KALRN: variants seen among roughly 807,000 people sequenced by gnomAD.
KALRN encodes kalirin RhoGEF kinase, also known as kalirin.
A neutral mutation model predicts 353.7 loss-of-function variants in KALRN; 70 were observed. The observed-to-expected ratio is 0.20, with a 90% CI of 0.16 to 0.24. The LOEUF is 0.24. KALRN is among the 10% of genes least tolerant of loss of function. The pLI, the probability that KALRN is intolerant of heterozygous loss-of-function variation, is 1.00. For synonymous variants in KALRN, 1,391 were observed against 1,434.8 expected (o/e 0.97, Z 0.69); for missense variants, 2,791 against 3,756.7 (o/e 0.74, Z 6.72).
Position 124,611,230 on chromosome 3 carries a change from CG to C in KALRN, c.5183-21189del, listed in dbSNP as rs1561418949. 2.6e-4 allele frequency among the ~76,000 whole-genome samples: 40 copies of C among 152,166 alleles called. No homozygotes were observed. In the East Asian group the frequency reaches 7.5e-3, roughly 29 times the overall value. On this transcript the variant is annotated intron_variant, in intron 34 of 59. Coordinates refer to ENST00000682506, the MANE Select transcript of KALRN (RefSeq NM_001388419.1). ...GGCTCTGTGGGATCTGGGGAAGGAC[CG>C]CCTAGGTAGAGAGAGAAGTAACATC...
intron 1 of KALRN, among the ~76,000 whole-genome samples, chr3:124,148,601 A>G (rs2067676700): frequency 6.6e-6 from 1 of 152,174 alleles, no homozygotes; most frequent in Non-Finnish European, 1.5e-5. Context: ...CTAGAGTCTG[A>G]CTATAGGTGA....
intron 21 of KALRN, among the ~76,000 whole-genome samples, chr3:124,453,167 T>C (rs1284970773): frequency 3.3e-5 from 5 of 152,240 alleles, no homozygotes; most frequent in Non-Finnish European, 7.3e-5. Context: ...CTATTTTGAA[T>C]AGAATCTGCT....
intron 34 of KALRN, among the ~76,000 whole-genome samples, chr3:124,598,565 AG>A (rs1345472785): frequency 2.6e-5 from 4 of 152,122 alleles, no homozygotes. Context: ...TGCAGTGTAG[AG>A]GGGCATCATA....
chr3:124,098,511 C>G (rs1198663947), intron 1 of KALRN, among the ~76,000 whole-genome samples: 1 of 152,198 alleles, frequency 6.6e-6, no homozygotes, highest in African/African-American at 2.4e-5. Flanking sequence ...TATTGTCTGT[C>G]CCTTGTGTTC....
chr3:124,719,062 C>A lies in KALRN; in HGVS notation c.8553C>A (p.Val2851=). 6.2e-7 allele frequency: 1 copy of A among 1,614,230 alleles called. No homozygotes were observed. Among genetic ancestry groups the A allele is most frequent in the Non-Finnish European group, 8.5e-7 (1 of 1,180,048 alleles). The change falls in exon 60 of 60, where the codon GTC becomes GTA. Residue 2851 remains valine (V), a synonymous_variant. Coordinates refer to ENST00000682506, the MANE Select transcript of KALRN (RefSeq NM_001388419.1). This position sits in a 1 kb window ranked among gnomAD's most constrained non-coding sequence, Gnocchi z 5.3. ...LGNPEFAAPE[V]IQGIPVSLGT... is the part of the protein sequence containing the mutation. Reference sequence around the variant, plus strand: ...ACCCTGAGTTTGCTGCCCCAGAAGTCATTCAAGGCATCCCCGTCTCCCTGG... The same window carrying A: ...ACCCTGAGTTTGCTGCCCCAGAAGTAATTCAAGGCATCCCCGTCTCCCTGG...
intron 32 of KALRN, 62 bp downstream of exon 32, chr3:124,492,944 A>G: frequency 6.3e-7 from 1 of 1,579,066 alleles, no homozygotes; most frequent in Non-Finnish European, 8.6e-7. Flanking sequence ...CGGGAATGGG[A>G]TGAATCTTTG....
At chr3:124,058,855 T>TA (rs762177754) in intron 1 of KALRN, among the ~76,000 whole-genome samples, 16 of 152,138 alleles carry the variant, frequency 1.1e-4, no homozygotes, top group East Asian at 3.8e-4. Context: ...TATATATTTT[T>TA]AAAAAAACTA....
chr3:124,612,495 G>A (rs112978458), intron 34 of KALRN, among the ~76,000 whole-genome samples: 2,084 of 152,260 alleles, frequency 0.014, 53 homozygotes, highest in African/African-American at 0.047. Context: ...GAGCCACCGC[G>A]CCCAGCAATT....
intron 3 of KALRN, among the ~76,000 whole-genome samples, chr3:124,243,310 G>A (rs1179430008): frequency 1.3e-5 from 2 of 152,206 alleles, no homozygotes; most frequent in African/African-American, 4.8e-5. Context: ...AACAGGGACA[G>A]GTTGTAGGGA....
chr3:124,047,886 T>A (rs762175252), intron 1 of KALRN, among the ~76,000 whole-genome samples: 1 of 152,110 alleles, frequency 6.6e-6, no homozygotes, highest in South Asian at 2.1e-4. Flanking sequence ...AAAAATGTGA[T>A]GAAATATAAA....
chr3:124,422,396 G>A (rs568527089), intron 14 of KALRN, among the ~76,000 whole-genome samples: 1 of 152,216 alleles, frequency 6.6e-6, no homozygotes, highest in South Asian at 2.1e-4. Flanking sequence ...AAAAAAAAGT[G>A]TGTCATTGGC....
chr3:124,345,688 T>A (rs2082190842), intron 9 of KALRN, among the ~76,000 whole-genome samples: 1 of 152,236 alleles, frequency 6.6e-6, no homozygotes. Context: ...GATGGACAAT[T>A]ACTCCGCCTG....
Position 124,679,533 on chromosome 3 carries a change from G to T in KALRN, c.7377+16G>T. 3.7e-6 allele frequency: 6 copies of T among 1,607,208 alleles called. No individual in the cohort carries two copies. The highest frequency in any genetic ancestry group is 1.1e-5 in the South Asian group (1 of 90,940). On this transcript the variant is annotated intron_variant, in intron 51 of 59. Transcript: ENST00000682506. The stretch of plus-strand genomic sequence containing the variant: ...TAGCATGGAGGTAGAAGCAGCTATT[G>T]TTGTCCTATTTCCTACAATGATTGC...
chr3:124,442,832 A>T (rs750003223), intron 19 of KALRN, among the ~76,000 whole-genome samples: 2 of 152,136 alleles, frequency 1.3e-5, no homozygotes, highest in Non-Finnish European at 2.9e-5. Flanking sequence ...AAAAAATTAA[A>T]AAATTAGCCT....
In KALRN at chr3:124,395,492, A is replaced by G. The variant is rs556157543; in HGVS notation, c.2171+149A>G. On this transcript the variant is annotated intron_variant, in intron 12 of 59. Transcript: ENST00000682506. The stretch of plus-strand genomic sequence containing the variant: ...TGTAAGATGTAAAAATGCCTGCACC[A>G]TACTCAACTTGAATCTAGAATAAAA... 4.5e-5 allele frequency: 27 copies of G among 599,560 alleles called. No homozygotes were observed. The South Asian group carries it at 5.5e-4, about 12-fold the overall frequency. The allele number at this position is 599,560 out of a possible 1,614,324, so 37.1% of individuals were successfully genotyped here.
intron 1 of KALRN, among the ~76,000 whole-genome samples, chr3:124,131,144 T>C (rs1228386907): frequency 3.3e-5 from 5 of 152,214 alleles, no homozygotes; most frequent in South Asian, 2.1e-4. Context: ...TGAAGTGTGA[T>C]GCTGAGTAAT....
chr3:124,239,329 C>A (rs1377483273), intron 3 of KALRN, among the ~76,000 whole-genome samples: 1 of 152,150 alleles, frequency 6.6e-6, no homozygotes, highest in Non-Finnish European at 1.5e-5. Flanking sequence ...AGCACTACAT[C>A]TAGTAAGGAA....
intron 34 of KALRN, among the ~76,000 whole-genome samples, chr3:124,625,382 T>A (rs996464462): frequency 1.3e-5 from 2 of 152,074 alleles, no homozygotes; most frequent in Admixed American, 6.6e-5. Context: ...AGAAAATGAG[T>A]GTTTTGACAG....
At chr3:124,662,193 CTTTTTTTTTTT>C (rs10549005) in intron 45 of KALRN, among the ~76,000 whole-genome samples, 4 of 96,858 alleles carry the variant, frequency 4.1e-5, no homozygotes, top group Admixed American at 1.2e-4. Context: ...ACCCAGAATT[CTTTTTTTTTTT>C]TTTTTTTTTT....
Sources: allele counts gnomAD v4.1 joint callset (sites outside exome capture counted in the v4.1 genomes callset), GRCh38; gene constraint gnomAD v4.1.1; non-coding constraint Gnocchi (gnomAD v3.1); transcripts MANE v1.5; gene names NCBI Gene and HGNC (gene_info 2026-07-23, HGNC 2026-07-21).